Variants in MID2 observed in about 807,000 individuals in gnomAD.
MID2 encodes midline 2, also known as probable E3 ubiquitin-protein ligase MID2.
A neutral mutation model predicts 46.1 loss-of-function variants in MID2; 13 were observed. The ratio of observed to expected loss-of-function variants is 0.28; its 90% CI spans 0.18 to 0.45. The LOEUF is 0.45. Among genes scored for constraint, MID2 ranks in the 20% least tolerant of loss-of-function variants. The pLI is 1.00. For synonymous variants in MID2, 199 were observed against 212.3 expected (o/e 0.94, Z 0.55); for missense variants, 431 against 575.4 (o/e 0.75, Z 2.57).
In MID2 at chrX:107,840,662, C is replaced by T. The variant is rs1931319576; in HGVS notation, c.5-8C>T. 8.5e-7 allele frequency: 1 copy of T among 1,181,477 alleles called. No individual in the cohort carries two copies. The highest frequency in any genetic ancestry group is 1.8e-5 in the African/African-American group (1 of 56,458). ...TGCCTAATGACTCTTGCTTTGTATT[C>T]CTTGCAGGTGAAAGCCCAGCCTCCG... On this transcript the variant is annotated splice_polypyrimidine_tract_variant and splice_region_variant and intron_variant, in intron 1 of 9. Transcript: ENST00000262843.
In MID2 at chrX:107,840,908, T is replaced by C; in HGVS notation, c.243T>C (p.Tyr81=). The C allele has an allele frequency of 1.7e-6, 2 of 1,211,212 alleles. No homozygotes were observed. The highest frequency in any genetic ancestry group is 1.8e-5 in the South Asian group (1 of 56,953). The change falls in exon 2 of 10, where the codon TAT becomes TAC. Residue 81 remains tyrosine, a synonymous_variant. Coordinates refer to ENST00000262843, the MANE Select transcript of MID2 (RefSeq NM_012216.4). Reference sequence around the variant, plus strand: ...CTTTCCAGTGTCCTACCTGCAGGTATGTTATCTCGCTGAACCACCGGGGCC... The same window carrying C: ...CTTTCCAGTGTCCTACCTGCAGGTACGTTATCTCGCTGAACCACCGGGGCC... ...ITAFQCPTCR[Y]VISLNHRGLD...
intron 3 of MID2, among the ~76,000 whole-genome samples, chrX:107,867,549 A>G (rs186062474): frequency 1.2e-4 from 13 of 111,658 alleles, no homozygotes; most frequent in Admixed American, 1.9e-4. Flanking sequence ...AGAGGGGCCA[A>G]TTAGGAGACT....
At chrX:107,844,555 A>T (rs771632082) in intron 2 of MID2, among the ~76,000 whole-genome samples, 1 of 111,259 alleles carries the variant, frequency 9.0e-6, no homozygotes, top group Non-Finnish European at 1.9e-5. Context: ...CTTATAAAAG[A>T]TTGTTGTTAT....
At chrX:107,834,164 G>A (rs1931153185) in intron 1 of MID2, among the ~76,000 whole-genome samples, 1 of 111,495 alleles carries the variant, frequency 9.0e-6, no homozygotes, top group Non-Finnish European at 1.9e-5. Context: ...CAGCCCAATG[G>A]TACCTTCTTC....
chrX:107,884,335 A>G (rs1481285889), intron 3 of MID2, among the ~76,000 whole-genome samples: 1 of 112,445 alleles, frequency 8.9e-6, no homozygotes, highest in African/African-American at 3.2e-5. Flanking sequence ...ATGGAAATCA[A>G]TATTTATTTA....
At position 107,826,440 on chromosome X, in the gene MID2, G is replaced by A; in HGVS notation, c.4+10G>A. 1 of 1,134,712 alleles carries A rather than the reference G, an allele frequency of 8.8e-7. No individual in the cohort carries two copies. Among genetic ancestry groups the A allele is most frequent in the Non-Finnish European group, 1.2e-6 (1 of 857,857 alleles). 93.5% of individuals were successfully genotyped at this position (1,134,712 alleles called of 1,213,427 possible). A position where few individuals can be genotyped will look rare whatever the true frequency, so the allele number is the denominator to read the frequency against. ...CCTGGGAACGCTATGGGTAAAACGC[G>A]CCCCCTCGCCGCGGCCCTGGAGGTC... On this transcript the variant is annotated intron_variant, in intron 1 of 9. Transcript: ENST00000262843.
intron 3 of MID2, among the ~76,000 whole-genome samples, chrX:107,902,322 C>T (rs112946380): frequency 0.05 from 5,513 of 111,331 alleles, 360 homozygotes; most frequent in African/African-American, 0.17. Flanking sequence ...CCAGTAGCCA[C>T]CTAAAAAAGA....
At chrX:107,920,942 A>G (rs1769514552) in intron 7 of MID2, among the ~76,000 whole-genome samples, 1 of 111,916 alleles carries the variant, frequency 8.9e-6, no homozygotes, top group South Asian at 3.8e-4. Flanking sequence ...AGAATAAGGA[A>G]ATTCTCTTAC....
chrX:107,845,213 G>A (rs1260951598), intron 2 of MID2, among the ~76,000 whole-genome samples: 5 of 111,001 alleles, frequency 4.5e-5, no homozygotes, highest in Admixed American at 1.9e-4. Context: ...TACCCCTATG[G>A]TGACATCTGT....
At chrX:107,911,289 CTTTG>C (rs1932894492) in intron 5 of MID2, among the ~76,000 whole-genome samples, 1 of 111,475 alleles carries the variant, frequency 9.0e-6, no homozygotes, top group Non-Finnish European at 1.9e-5. Flanking sequence ...TCTTTCTCTT[CTTTG>C]TTTATGGGAC....
intron 5 of MID2, among the ~76,000 whole-genome samples, chrX:107,912,329 A>G (rs1932906049): frequency 8.9e-6 from 1 of 112,153 alleles, no homozygotes; most frequent in African/African-American, 3.2e-5. Context: ...ACTGTATTTA[A>G]TAATCTCTGC....
In MID2 at chrX:107,845,525, ACTCT is replaced by A. The variant is rs766707051; in HGVS notation, c.720+4170_720+4173del. On this transcript the variant is annotated intron_variant, in intron 2 of 9. Coordinates refer to ENST00000262843, the MANE Select transcript of MID2 (RefSeq NM_012216.4). ...CACACACACACACACACACACACAC[ACTCT>A]CTCTCTCTCTCTCTCTCTCTCTCTC... 6.4e-3 allele frequency among the ~76,000 whole-genome samples: 469 copies of A among 72,918 alleles called. 2 individuals carry two copies. Among genetic ancestry groups the A allele is most frequent in the African/African-American group, 0.018 (240 of 13,209 alleles). The allele number at this position is 72,918 out of a possible 115,157, so 63.3% of individuals were successfully genotyped here.
At chrX:107,896,377 T>C (rs1422597776) in intron 3 of MID2, 2 of 111,657 alleles carry the variant, frequency 1.8e-5, no homozygotes, top group Admixed American at 1.9e-4. Flanking sequence ...AAATAAAAAA[T>C]AAACAGTTAC....
At position 107,881,715 on chromosome X, in the gene MID2, T is replaced by C. The variant is rs1602482712; in HGVS notation, c.817-22243T>C. ...ATTAATTATTCATTAGAAATATACA[T>C]GGTATTTGAAAAACCAGTATTAAAT... On this transcript the variant is annotated intron_variant, in intron 3 of 9. Transcript: ENST00000262843. Among the ~76,000 whole-genome samples the C allele has an allele frequency of 2.7e-5, 3 of 112,281 alleles. No individual in the cohort carries two copies. The Admixed American group carries it at 2.8e-4, about 11-fold the overall frequency.
chrX:107,857,492 G>T (rs1416538533), intron 3 of MID2, among the ~76,000 whole-genome samples: 2 of 111,595 alleles, frequency 1.8e-5, no homozygotes, highest in Non-Finnish European at 3.8e-5. Context: ...TGTTGCCCAG[G>T]CTGGTCTTGA....
intron 1 of MID2, among the ~76,000 whole-genome samples, chrX:107,838,286 A>G (rs928155836): frequency 2.7e-5 from 3 of 112,280 alleles, no homozygotes; most frequent in African/African-American, 9.7e-5. Flanking sequence ...CTCTAAGGCA[A>G]TATTCCTGCT....
In MID2 at chrX:107,913,064, A is replaced by G. The variant is rs781317549; in HGVS notation, c.1074-2938A>G. On this transcript the variant is annotated intron_variant, in intron 5 of 9. Coordinates refer to ENST00000262843, the MANE Select transcript of MID2 (RefSeq NM_012216.4). ...TAAAAAAACACAGACAGTCAGATAC[A>G]CACACACACACACCCCACCATGTCA... is the stretch of plus-strand genomic sequence containing the variant. Among the ~76,000 whole-genome samples, 19 of 110,581 alleles carry G rather than the reference A, an allele frequency of 1.7e-4. No individual in the cohort carries two copies. In the East Asian group the frequency reaches 4.5e-3, roughly 26 times the overall value.
At chrX:107,908,633 T>G (rs1327781958) in intron 5 of MID2, among the ~76,000 whole-genome samples, 12 of 106,970 alleles carry the variant, frequency 1.1e-4, no homozygotes, top group African/African-American at 4.1e-4. Context: ...ATCACAGCAC[T>G]CTGGGAGGCT....
At chrX:107,917,897 C>T (rs1052915924) in intron 7 of MID2, among the ~76,000 whole-genome samples, 158 bp downstream of exon 7, 4 of 111,655 alleles carry the variant, frequency 3.6e-5, no homozygotes. Context: ...ATTTATGTAA[C>T]CCTTAGCCTT....
Sources: gnomAD v4.1 joint callset for allele counts (sites outside exome capture counted in the v4.1 genomes callset) on GRCh38, gnomAD v4.1.1 for gene constraint, MANE v1.5 for transcripts, NCBI Gene and HGNC (gene_info 2026-07-23, HGNC 2026-07-21) for gene names.